The following MEI4 variants were observed in gnomAD, a reference collection of about 807,000 sequenced individuals.
MEI4 encodes the protein meiosis-specific protein MEI4.
A neutral mutation model predicts 31.4 loss-of-function variants in MEI4; 27 were observed. That is an observed-to-expected ratio of 0.86 (90% CI 0.63 to 1.19). MEI4 has a LOEUF of 1.19. Ranked by LOEUF, MEI4 falls within the 50% of genes most tolerant of loss-of-function variation. The pLI, the probability that MEI4 is intolerant of heterozygous loss-of-function variation, is 0.00. For missense variants in MEI4, 329 were observed against 398.9 expected (o/e 0.82, Z 1.49); for synonymous variants, 122 against 145.4 (o/e 0.84, Z 1.16).
chr6:77,657,323 G>C (rs903935835), intron 1 of MEI4, among the ~76,000 whole-genome samples: 3 of 152,190 alleles, frequency 2.0e-5, no homozygotes, highest in African/African-American at 7.2e-5. Context: ...TTTTGTACAT[G>C]TTGTACTTTC....
chr6:77,843,096 A>G (rs941536722), intron 4 of MEI4, among the ~76,000 whole-genome samples: 1 of 151,720 alleles, frequency 6.6e-6, no homozygotes. Flanking sequence ...TTATTAAAAA[A>G]AAAAAAAACA....
intron 2 of MEI4, among the ~76,000 whole-genome samples, chr6:77,698,622 T>C (rs983877515): frequency 1.9e-4 from 29 of 152,228 alleles, no homozygotes; most frequent in Admixed American, 6.5e-4. Context: ...TTATAGAGTT[T>C]CTGCTGAGAG....
chr6:77,728,834 G>T (rs1766895074), intron 2 of MEI4, among the ~76,000 whole-genome samples: 1 of 152,206 alleles, frequency 6.6e-6, no homozygotes, highest in African/African-American at 2.4e-5. Context: ...ACCTGTTCCA[G>T]TGGGTAGGAC....
chr6:77,668,396 A>G (rs553177707), intron 1 of MEI4, among the ~76,000 whole-genome samples: 27 of 152,270 alleles, frequency 1.8e-4, no homozygotes, highest in African/African-American at 5.1e-4. Flanking sequence ...AGTACTGTTC[A>G]TGTCCATGGA....
intron 4 of MEI4, among the ~76,000 whole-genome samples, chr6:77,889,187 G>T (rs1421959416): frequency 1.3e-5 from 2 of 152,172 alleles, no homozygotes; most frequent in Non-Finnish European, 2.9e-5. Context: ...TGAAAATGTG[G>T]AAGCAACTTT....
rs549924104 is a variant in MEI4 at position 77,847,387 on chromosome 6, T to C, written c.900+18325T>C. Among the ~76,000 whole-genome samples, 1 of 152,312 alleles carries C rather than the reference T, an allele frequency of 6.6e-6. No individual in the cohort carries two copies. Among genetic ancestry groups the C allele is most frequent in the East Asian group, 1.9e-4 (1 of 5,172 alleles). ...CAATTAAGTATGATTAATTCTTCCT[T>C]TTTTCCATAAGCATGAGAATGTATT... is the stretch of plus-strand genomic sequence containing the variant. On this transcript the variant is annotated intron_variant, in intron 4 of 4. Transcript: ENST00000684080. The surrounding 1 kb of genome is among the most constrained non-coding windows in gnomAD (Gnocchi z 4.6).
chr6:77,650,821 G>T (rs1033636485), upstream of MEI4, among the ~76,000 whole-genome samples: 3 of 152,244 alleles, frequency 2.0e-5, no homozygotes, highest in Non-Finnish European at 4.4e-5. Context: ...GATTTCTGTG[G>T]TATATGCCAG....
At chr6:77,745,512 T>G (rs1371058069) in intron 2 of MEI4, among the ~76,000 whole-genome samples, 1 of 152,070 alleles carries the variant, frequency 6.6e-6, no homozygotes, top group African/African-American at 2.4e-5. Context: ...CTCCCACACA[T>G]TAATAATGGG....
intron 1 of MEI4, among the ~76,000 whole-genome samples, chr6:77,662,784 G>A (rs1202569641): frequency 1.3e-5 from 2 of 152,172 alleles, no homozygotes; most frequent in Non-Finnish European, 2.9e-5. Context: ...TTTGTAGAAG[G>A]TGATGGGGTT....
At chr6:77,665,836 A>G (rs1768620726) in intron 1 of MEI4, among the ~76,000 whole-genome samples, 1 of 152,306 alleles carries the variant, frequency 6.6e-6, no homozygotes, top group South Asian at 2.1e-4. Context: ...GGAGAGAGTA[A>G]GAAGAGGTCG....
intron 1 of MEI4, 146 bp from the exon 2 acceptor site, chr6:77,690,512 C>G (rs1422927095): frequency 2.5e-6 from 1 of 399,024 alleles, no homozygotes; most frequent in African/African-American, 2.1e-5. Flanking sequence ...TGTTTTCAGT[C>G]CCTGATTTTT....
intron 4 of MEI4, among the ~76,000 whole-genome samples, chr6:77,863,051 C>T (rs1770910306): frequency 6.6e-6 from 1 of 151,980 alleles, no homozygotes; most frequent in African/African-American, 2.4e-5. Context: ...ACAGAAAGGA[C>T]ATCCACACCA....
chr6:77,694,524 G>A (rs915163253), intron 2 of MEI4, among the ~76,000 whole-genome samples: 1 of 144,578 alleles, frequency 6.9e-6, no homozygotes, highest in South Asian at 2.2e-4. Flanking sequence ...TTGGTTTTTT[G>A]TCCTTGTGAT....
In MEI4 at chr6:77,747,097, A is replaced by G. The variant is rs138562118; in HGVS notation, c.233-14033A>G. On this transcript the variant is annotated intron_variant, in intron 2 of 4. Coordinates refer to ENST00000684080, the MANE Select transcript of MEI4 (RefSeq NM_001322247.2). ...GAGGCTGAGGCGGGCAGATCACCTG[A>G]TATCAGGAGTTCAAGACCAGCCTGA... Among the ~76,000 whole-genome samples the G allele has an allele frequency of 1.4e-3, 213 of 152,202 alleles. 1 individual carries two copies. Among genetic ancestry groups the G allele is most frequent in the African/African-American group, 4.5e-3 (186 of 41,522 alleles).
chr6:77,873,626 A>G lies in MEI4; in HGVS notation c.900+44564A>G, dbSNP rs1311935269. Among the ~76,000 whole-genome samples the G allele has an allele frequency of 3.3e-5, 5 of 152,214 alleles. No homozygotes were observed. The South Asian group carries it at 8.3e-4, about 25-fold the overall frequency. ...TAGTTGAATTAGATCCCATTTGTCA[A>G]TTTTGGCTTTTGTTGCCATTGCTTT... On this transcript the variant is annotated intron_variant, in intron 4 of 4. Transcript: ENST00000684080.
intron 2 of MEI4, among the ~76,000 whole-genome samples, chr6:77,692,148 C>T (rs1445486775): frequency 6.6e-6 from 1 of 151,822 alleles, no homozygotes; most frequent in African/African-American, 2.4e-5. Context: ...TTGCCATGGT[C>T]CTCTCCTAGG....
At chr6:77,663,825 G>A (rs1290728266) in intron 1 of MEI4, among the ~76,000 whole-genome samples, 6 of 152,146 alleles carry the variant, frequency 3.9e-5, no homozygotes, top group Non-Finnish European at 5.9e-5. Context: ...GTCTTCAGCC[G>A]CTAAGCCGAG....
At chr6:77,782,562 G>A (rs1331078293) in intron 3 of MEI4, among the ~76,000 whole-genome samples, 1 of 152,096 alleles carries the variant, frequency 6.6e-6, no homozygotes, top group East Asian at 1.9e-4. Context: ...ATGACATTGA[G>A]CCTTTTTATT....
At chr6:77,778,706 C>CAAAT (rs71546067) in intron 3 of MEI4, among the ~76,000 whole-genome samples, 22,177 of 145,592 alleles carry the variant, frequency 0.15, 1,698 homozygotes, top group African/African-American at 0.17. Flanking sequence ...GACCCTGTCT[C>CAAAT]AAATAAATAA....
Sources: gnomAD v4.1 joint callset for allele counts (sites outside exome capture counted in the v4.1 genomes callset) on GRCh38, gnomAD v4.1.1 for gene constraint, Gnocchi (gnomAD v3.1) non-coding constraint, MANE v1.5 for transcripts, NCBI Gene and HGNC (gene_info 2026-07-23, HGNC 2026-07-21) for gene names.